Variants in PHF14 observed in about 807,000 individuals in gnomAD.
PHF14 encodes the protein PHD finger protein 14.
A neutral mutation model predicts 117.9 loss-of-function variants in PHF14; 55 were observed. That is an observed-to-expected ratio of 0.47 (90% CI 0.38 to 0.58). The LOEUF (loss-of-function observed/expected upper bound fraction) is 0.58. Among genes scored for constraint, PHF14 ranks in the 20% least tolerant of loss-of-function variants. PHF14 has a pLI of 0.00. For missense variants in PHF14, 978 were observed against 1,122.2 expected (o/e 0.87, Z 1.84); for synonymous variants, 409 against 368.6 (o/e 1.11, Z -1.26).
chr7:11,141,708 G>A (rs894609941), intron 17 of PHF14, among the ~76,000 whole-genome samples: 1 of 151,992 alleles, frequency 6.6e-6, no homozygotes, highest in African/African-American at 2.4e-5. Context: ...TGTTGCATCA[G>A]TGACAGTATG....
chr7:10,976,939 T>C (rs1187452981), intron 2 of PHF14, among the ~76,000 whole-genome samples: 1 of 151,198 alleles, frequency 6.6e-6, no homozygotes, highest in Admixed American at 6.6e-5. Flanking sequence ...GTTCTTGGTA[T>C]TTATTGTAAA....
intron 17 of PHF14, among the ~76,000 whole-genome samples, chr7:11,133,384 A>G (rs1231451297): frequency 6.6e-6 from 1 of 151,978 alleles, no homozygotes; most frequent in African/African-American, 2.4e-5. Flanking sequence ...GAGCCCAGAG[A>G]TAGACCCACA....
At position 11,053,338 on chromosome 7, in the gene PHF14, A is replaced by G. The variant is rs191035828; in HGVS notation, c.2481+1558A>G. On this transcript the variant is annotated intron_variant, in intron 14 of 17. Coordinates refer to ENST00000634607, the MANE Select transcript of PHF14 (RefSeq NM_001007157.2). Reference sequence around the variant, plus strand: ...ATCTCTTAGATAATTGAAACAGTTTATTTTGGGTGCTCTAAGTAGATCAAC... The same window carrying G: ...ATCTCTTAGATAATTGAAACAGTTTGTTTTGGGTGCTCTAAGTAGATCAAC... Among the ~76,000 whole-genome samples, 5 of 152,156 alleles carry G rather than the reference A, an allele frequency of 3.3e-5. No homozygotes were observed. In the East Asian group the frequency reaches 9.7e-4, roughly 29 times the overall value.
At chr7:11,040,084 C>A (rs993556222) in intron 11 of PHF14, among the ~76,000 whole-genome samples, 8 of 152,112 alleles carry the variant, frequency 5.3e-5, no homozygotes, top group African/African-American at 1.9e-4. Flanking sequence ...GTAAAATACA[C>A]AGCAGAAGTA....
intron 16 of PHF14, among the ~76,000 whole-genome samples, chr7:11,086,585 G>A (rs1399747618): frequency 6.6e-6 from 1 of 152,042 alleles, no homozygotes; most frequent in Non-Finnish European, 1.5e-5. Context: ...CAGGTCCGAA[G>A]CCAATGCTTA....
intron 16 of PHF14, chr7:11,105,294 A>G: frequency 3.2e-6 from 3 of 947,404 alleles, no homozygotes; most frequent in Non-Finnish European, 3.8e-6. Flanking sequence ...TTATGATGTT[A>G]AAAATAGACT....
At chr7:11,039,392 G>A (rs779542655) in intron 11 of PHF14, among the ~76,000 whole-genome samples, 4 of 151,664 alleles carry the variant, frequency 2.6e-5, no homozygotes, top group Non-Finnish European at 4.4e-5. Flanking sequence ...AGCTGTGATC[G>A]TAGTTATTAA....
intron 17 of PHF14, among the ~76,000 whole-genome samples, chr7:11,142,042 T>G (rs1301009405): frequency 1.3e-5 from 2 of 152,050 alleles, no homozygotes; most frequent in African/African-American, 2.4e-5. Flanking sequence ...ATTTTTAGAT[T>G]GGGGTTTTTT....
chr7:11,071,899 A>G (rs1300002729), intron 16 of PHF14, among the ~76,000 whole-genome samples: 1 of 152,236 alleles, frequency 6.6e-6, no homozygotes, highest in African/African-American at 2.4e-5. Context: ...AATTTTGGAT[A>G]TTAAAAAAGT....
chr7:11,037,575 AATTAT>A (rs777334513), intron 10 of PHF14, among the ~76,000 whole-genome samples: 4 of 152,162 alleles, frequency 2.6e-5, no homozygotes, highest in Non-Finnish European at 4.4e-5. Context: ...ATTTATCTTG[AATTAT>A]ATTATAATGT....
chr7:11,148,322 T>C (rs947873689), intron 17 of PHF14, among the ~76,000 whole-genome samples: 2 of 152,214 alleles, frequency 1.3e-5, no homozygotes, highest in African/African-American at 4.8e-5. Context: ...ACTTTTCATC[T>C]TATGCTCGAT....
intron 17 of PHF14, among the ~76,000 whole-genome samples, chr7:11,140,743 T>A (rs1788376201): frequency 1.3e-5 from 2 of 152,164 alleles, no homozygotes; most frequent in African/African-American, 2.4e-5. Context: ...TTGAAATTTC[T>A]ATACTATTTA....
At chr7:11,071,170 C>A in intron 16 of PHF14, 1 of 444,450 alleles carries the variant, frequency 2.2e-6, no homozygotes, top group Non-Finnish European at 4.5e-6. Context: ...CTCTTTCAAT[C>A]TCACTTTTCT....
chr7:11,138,674 AT>A (rs1390174405), intron 17 of PHF14, among the ~76,000 whole-genome samples: 12 of 152,342 alleles, frequency 7.9e-5, no homozygotes, highest in African/African-American at 2.9e-4. Context: ...TCACTTGCAT[AT>A]CATTCGTGCA....
intron 16 of PHF14, among the ~76,000 whole-genome samples, chr7:11,067,030 G>C (rs149458513): frequency 2.6e-5 from 4 of 152,250 alleles, no homozygotes; most frequent in East Asian, 1.9e-4. Flanking sequence ...ATGGTAAAAA[G>C]GTTAACCCAT....
intron 16 of PHF14, chr7:11,106,395 T>C (rs1453510561): frequency 2.0e-5 from 19 of 969,798 alleles, no homozygotes; most frequent in Non-Finnish European, 2.3e-5. Context: ...ATTTGTGAAA[T>C]GATTAAAAAC....
At chr7:11,097,735 C>T (rs1355175708) in intron 16 of PHF14, among the ~76,000 whole-genome samples, 1 of 152,138 alleles carries the variant, frequency 6.6e-6, no homozygotes. Flanking sequence ...TGTTGATACC[C>T]ATTTATCTAA....
At chr7:11,053,846 T>C (rs2128327355) in intron 14 of PHF14, among the ~76,000 whole-genome samples, 1 of 152,200 alleles carries the variant, frequency 6.6e-6, no homozygotes, top group South Asian at 2.1e-4. Flanking sequence ...AATTTGCTAA[T>C]ATAATCCCAT....
intron 8 of PHF14, 149 bp from the exon 9 acceptor site, chr7:11,036,269 C>G: frequency 3.0e-6 from 2 of 662,564 alleles, no homozygotes; most frequent in South Asian, 4.0e-5. Flanking sequence ...TACAGTATAC[C>G]TTAAGGATCA....
Sources: allele counts gnomAD v4.1 joint callset (sites outside exome capture counted in the v4.1 genomes callset), GRCh38; gene constraint gnomAD v4.1.1; transcripts MANE v1.5; gene names NCBI Gene and HGNC (gene_info 2026-07-23, HGNC 2026-07-21).